ARHGAP44: variants seen among roughly 807,000 people sequenced by gnomAD.
ARHGAP44 encodes the protein rho GTPase-activating protein 44.
A neutral mutation model predicts 106.8 loss-of-function variants in ARHGAP44; 43 were observed. The ratio of observed to expected loss-of-function variants is 0.40; its 90% CI spans 0.32 to 0.52. ARHGAP44 has a LOEUF of 0.52. Among genes scored for constraint, ARHGAP44 ranks in the 20% least tolerant of loss-of-function variants. ARHGAP44 has a pLI of 0.48. For missense variants in ARHGAP44, 866 were observed against 1,050.5 expected, an observed-to-expected ratio of 0.82 and a Z score of 2.43; for synonymous variants, 439 against 410.3, an observed-to-expected ratio of 1.07 and a Z score of -0.85.
intron 20 of ARHGAP44, chr17:12,987,018 T>A: frequency 8.0e-7 from 1 of 1,255,862 alleles, no homozygotes; most frequent in Non-Finnish European, 1.1e-6. Flanking sequence ...GATATTGGCA[T>A]AGCTTTTTTT....
At chr17:12,967,845 C>T (rs1453575283) in intron 16 of ARHGAP44, among the ~76,000 whole-genome samples, 4 of 152,196 alleles carry the variant, frequency 2.6e-5, no homozygotes, top group Admixed American at 6.5e-5. Context: ...TAGTTCTTCT[C>T]TTTCTACTTC....
At chr17:12,942,222 C>T (rs927657856) in intron 8 of ARHGAP44, among the ~76,000 whole-genome samples, 6 of 152,324 alleles carry the variant, frequency 3.9e-5, no homozygotes, top group African/African-American at 7.2e-5. Context: ...TCTCAGCTCA[C>T]CACAACCTCC....
chr17:12,903,126 G>GAGAGAGGAGAGA (rs57334058), intron 3 of ARHGAP44, among the ~76,000 whole-genome samples: 2 of 70,764 alleles, frequency 2.8e-5, no homozygotes, highest in African/African-American at 1.3e-4. Context: ...GAGAGAGAGA[G>GAGAGAGGAGAGA]GAGAGAGAGA....
intron 1 of ARHGAP44, among the ~76,000 whole-genome samples, chr17:12,861,653 T>TTTTTTTTTTTTTTA (rs755400921): frequency 3.4e-5 from 2 of 59,146 alleles, no homozygotes; most frequent in East Asian, 1.4e-3. Flanking sequence ...ACTTTTTTTT[T>TTTTTTTTTTTTTTA]TTTTTGAGAT....
chr17:12,831,620 C>T (rs1209487356), intron 1 of ARHGAP44, among the ~76,000 whole-genome samples: 1 of 152,128 alleles, frequency 6.6e-6, no homozygotes, highest in Non-Finnish European at 1.5e-5. Flanking sequence ...TTCAACCCTC[C>T]CATCGAGGCC....
intron 1 of ARHGAP44, among the ~76,000 whole-genome samples, chr17:12,809,558 A>G (rs2034377898): frequency 6.6e-6 from 1 of 152,152 alleles, no homozygotes; most frequent in Admixed American, 6.5e-5. Context: ...CATGGGAAAG[A>G]CCTGCCCCAT....
intron 4 of ARHGAP44, among the ~76,000 whole-genome samples, chr17:12,909,908 C>CA (rs1163541723): frequency 6.6e-6 from 1 of 151,546 alleles, no homozygotes; most frequent in Non-Finnish European, 1.5e-5. Context: ...AGATTATCAA[C>CA]AAAAAATAGA....
chr17:12,832,484 C>T (rs1310532603), intron 1 of ARHGAP44, among the ~76,000 whole-genome samples: 1 of 152,158 alleles, frequency 6.6e-6, no homozygotes, highest in Admixed American at 6.6e-5. Flanking sequence ...CTCTTAGCTT[C>T]ATGACTCCTG....
At chr17:12,966,164 A>C (rs991873898) in intron 16 of ARHGAP44, among the ~76,000 whole-genome samples, 6 of 152,100 alleles carry the variant, frequency 3.9e-5, no homozygotes, top group African/African-American at 1.4e-4. Context: ...TCAAAAAAAA[A>C]AAAAAAAATC....
At chr17:12,841,523 G>T (rs1245170811) in intron 1 of ARHGAP44, among the ~76,000 whole-genome samples, 1 of 151,152 alleles carries the variant, frequency 6.6e-6, no homozygotes, top group Non-Finnish European at 1.5e-5. Flanking sequence ...GGAGCCGGAA[G>T]TTGAGCTGAG....
chr17:12,934,302 GACA>G (rs1429369562), intron 7 of ARHGAP44, among the ~76,000 whole-genome samples: 5 of 152,138 alleles, frequency 3.3e-5, no homozygotes, highest in Admixed American at 1.3e-4. Flanking sequence ...GTCTGGGAAA[GACA>G]ACAACAGCAG....
intron 1 of ARHGAP44, among the ~76,000 whole-genome samples, chr17:12,839,384 A>G (rs1218834073): frequency 2.0e-5 from 3 of 152,150 alleles, no homozygotes; most frequent in Admixed American, 1.3e-4. Context: ...GTCCTTTACC[A>G]TATCCTGTGA....
intron 10 of ARHGAP44, among the ~76,000 whole-genome samples, chr17:12,947,238 C>T (rs1488344079): frequency 6.6e-6 from 1 of 152,192 alleles, no homozygotes; most frequent in Non-Finnish European, 1.5e-5. Flanking sequence ...CCGGGATCCC[C>T]AGCAACCCCC....
intron 1 of ARHGAP44, among the ~76,000 whole-genome samples, chr17:12,816,989 A>G (rs1287185536): frequency 2.6e-5 from 4 of 152,174 alleles, no homozygotes; most frequent in African/African-American, 9.6e-5. Flanking sequence ...TGCTCGTGAA[A>G]CATTCACCAA....
chr17:12,941,160 G>C (rs1298905673), intron 8 of ARHGAP44, 36 bp downstream of exon 8: 10 of 1,579,066 alleles, frequency 6.3e-6, no homozygotes, highest in Non-Finnish European at 8.7e-6. Context: ...CTTAAAGGCT[G>C]TTCGTAGGAG....
rs757560105 is a variant in ARHGAP44 at position 12,879,733 on chromosome 17, T to TACACAC, written c.54-15194_54-15189dup. 3.7e-3 allele frequency among the ~76,000 whole-genome samples: 555 copies of TACACAC among 148,422 alleles called. 2 individuals are homozygous for TACACAC. The highest frequency in any genetic ancestry group is 0.013 in the African/African-American group (515 of 40,588). ...CACACAGTTAAAAAATATATATATA[T>TACACAC]ACACACACACACACACACTTACAAG... On this transcript the variant is annotated intron_variant, in intron 1 of 20. Coordinates refer to ENST00000379672, the MANE Select transcript of ARHGAP44 (RefSeq NM_014859.6).
chr17:12,964,514 C>T (rs1168501135), intron 16 of ARHGAP44, among the ~76,000 whole-genome samples: 1 of 152,228 alleles, frequency 6.6e-6, no homozygotes, highest in African/African-American at 2.4e-5. Flanking sequence ...GGCGCAGTGG[C>T]TCACACCTGT....
chr17:12,893,182 T>C (rs1319294976), intron 1 of ARHGAP44, among the ~76,000 whole-genome samples: 1 of 152,200 alleles, frequency 6.6e-6, no homozygotes, highest in Non-Finnish European at 1.5e-5. Flanking sequence ...TTGGCTGGCC[T>C]TCATTGACCC....
At chr17:12,954,999 C>T (rs12452338) in intron 13 of ARHGAP44, among the ~76,000 whole-genome samples, 1,781 of 152,240 alleles carry the variant, frequency 0.012, 55 homozygotes, top group Admixed American at 0.063. Context: ...AATCCCCTTC[C>T]GATAAGCACT....
Sources: gnomAD v4.1 joint callset for allele counts (sites outside exome capture counted in the v4.1 genomes callset) on GRCh38, gnomAD v4.1.1 for gene constraint, MANE v1.5 for transcripts, NCBI Gene and HGNC (gene_info 2026-07-23, HGNC 2026-07-21) for gene names.